VKORC1L1: variants seen among roughly 807,000 people sequenced by gnomAD.
The protein encoded by VKORC1L1 is vitamin K epoxide reductase complex subunit 1L1.
Under a neutral mutation model 18.9 loss-of-function variants are expected in VKORC1L1, and 2 were observed. That is an observed-to-expected ratio of 0.11 (90% CI 0.04 to 0.33). The LOEUF is 0.33. Among genes scored for constraint, VKORC1L1 ranks in the 10% least tolerant of loss-of-function variants. The pLI is 1.00. For missense variants in VKORC1L1, 123 were observed against 224.1 expected (o/e 0.55, Z 2.88); for synonymous variants, 96 against 100.0 (o/e 0.96, Z 0.24).
At chr7:65,922,621 G>A (rs1192985876) in intron 1 of VKORC1L1, among the ~76,000 whole-genome samples, 3 of 152,292 alleles carry the variant, frequency 2.0e-5, no homozygotes, top group East Asian at 1.9e-4. Context: ...TTCCTTTGGC[G>A]TGAACAAATT....
chr7:65,903,702 G>A (rs1789357279), intron 1 of VKORC1L1, among the ~76,000 whole-genome samples: 1 of 151,286 alleles, frequency 6.6e-6, no homozygotes, highest in Non-Finnish European at 1.5e-5. Context: ...AGCCTGGGAG[G>A]CAGAGGCTGC....
intron 1 of VKORC1L1, among the ~76,000 whole-genome samples, chr7:65,894,473 G>A (rs1422396258): frequency 1.3e-5 from 2 of 152,118 alleles, no homozygotes; most frequent in African/African-American, 2.4e-5. Flanking sequence ...GGCCGGGCAC[G>A]GTGGCAGCAC....
intron 1 of VKORC1L1, among the ~76,000 whole-genome samples, chr7:65,911,515 C>A (rs953944250): frequency 2.6e-5 from 4 of 152,228 alleles, no homozygotes; most frequent in Non-Finnish European, 4.4e-5. Flanking sequence ...TTATTACTCT[C>A]TGTTCAGCAA....
At chr7:65,941,812 A>T (rs983911436) in intron 1 of VKORC1L1, among the ~76,000 whole-genome samples, 10 of 149,960 alleles carry the variant, frequency 6.7e-5, no homozygotes, top group African/African-American at 2.5e-4. Context: ...AGTAGCTGGG[A>T]CTATAAGGCG....
Position 65,873,260 on chromosome 7 carries a change from T to TGGC in VKORC1L1, c.-100_-98dup, listed in dbSNP as rs1356372469. Reference sequence around the variant, plus strand: ...GGCGCGGCGGCGGCGGCGGCGGTGGTGGCGGCGGCGGCGGAGGCGGCGGTG... The same window carrying TGGC: ...GGCGCGGCGGCGGCGGCGGCGGTGGTGGCGGCGGCGGCGGCGGAGGCGGCGGTG... On this transcript the variant is annotated 5_prime_UTR_variant, in exon 1 of 3. Transcript: ENST00000360768. The TGGC allele has an allele frequency of 4.4e-3, 3,993 of 916,540 alleles. 13 individuals are homozygous for TGGC. Among genetic ancestry groups the TGGC allele is most frequent in the Non-Finnish European group, 4.5e-3 (3,536 of 783,350 alleles). The allele number at this position is 916,540 out of a possible 1,614,324, so 56.8% of individuals were successfully genotyped here. A position where few individuals can be genotyped will look rare whatever the true frequency, so the allele number is the denominator to read the frequency against.
intron 1 of VKORC1L1, among the ~76,000 whole-genome samples, chr7:65,946,598 A>C (rs1480261546): frequency 6.6e-6 from 1 of 152,098 alleles, no homozygotes; most frequent in African/African-American, 2.4e-5. Context: ...TTCCCCTTCT[A>C]ATTTTCCTGT....
At chr7:65,879,040 C>T (rs142092478) in intron 1 of VKORC1L1, among the ~76,000 whole-genome samples, 119 of 151,924 alleles carry the variant, frequency 7.8e-4, no homozygotes, top group Middle Eastern at 3.4e-3. Context: ...CTCAGTAGAC[C>T]GCTGTGAAAC....
At chr7:65,939,458 A>G (rs1301846268) in intron 1 of VKORC1L1, among the ~76,000 whole-genome samples, 1 of 152,124 alleles carries the variant, frequency 6.6e-6, no homozygotes, top group Non-Finnish European at 1.5e-5. Context: ...GTAATAATGG[A>G]AGCAATTTTG....
rs62470892 is a variant in VKORC1L1, at chr7:65,903,377, G to A, written c.194+29812G>A. Reference sequence around the variant, plus strand: ...AGACAAGGTTTCACCATGTTGGCCAGACTGGTCTCAAACTCCTGACCTTGT... The same window carrying A: ...AGACAAGGTTTCACCATGTTGGCCAAACTGGTCTCAAACTCCTGACCTTGT... On this transcript the variant is annotated intron_variant, in intron 1 of 2. Transcript: ENST00000360768. Among the ~76,000 whole-genome samples the A allele has an allele frequency of 4.5e-3, 677 of 151,456 alleles. 5 individuals are homozygous for A. The highest frequency in any genetic ancestry group is 8.3e-3 in the Non-Finnish European group (563 of 67,908).
chr7:65,933,077 CAAAAA>C (rs59403784), intron 1 of VKORC1L1, among the ~76,000 whole-genome samples: 1,881 of 65,326 alleles, frequency 0.029, 45 homozygotes, highest in East Asian at 0.15. Context: ...GACTTCGTCT[CAAAAA>C]AAAAAAAAAA....
At chr7:65,944,546 C>A in intron 1 of VKORC1L1, among the ~76,000 whole-genome samples, 1 of 151,688 alleles carries the variant, frequency 6.6e-6, no homozygotes, top group Non-Finnish European at 1.5e-5. Context: ...CAAAATAATA[C>A]ATGGGTGTTT....
intron 1 of VKORC1L1, among the ~76,000 whole-genome samples, chr7:65,882,994 T>C (rs1788953042): frequency 1.3e-5 from 2 of 152,192 alleles, no homozygotes; most frequent in South Asian, 2.1e-4. Flanking sequence ...CATCTATTCA[T>C]CTTTGTGAAT....
chr7:65,925,497 A>G (rs993831666), intron 1 of VKORC1L1, among the ~76,000 whole-genome samples: 5 of 152,202 alleles, frequency 3.3e-5, no homozygotes, highest in African/African-American at 9.7e-5. Flanking sequence ...ATTTGAGTCC[A>G]TAGGTACTTG....
At chr7:65,900,043 G>A (rs112479964) in intron 1 of VKORC1L1, among the ~76,000 whole-genome samples, 1 of 7,664 alleles carries the variant, frequency 1.3e-4, no homozygotes, top group East Asian at 6.9e-3. Context: ...GTGCACGCAC[G>A]TGTGTGTGTG....
At chr7:65,898,242 A>C (rs1056641725) in intron 1 of VKORC1L1, among the ~76,000 whole-genome samples, 2 of 151,564 alleles carry the variant, frequency 1.3e-5, no homozygotes, top group African/African-American at 4.8e-5. Context: ...GCCTGCCATC[A>C]CGCCCGGCTA....
intron 1 of VKORC1L1, among the ~76,000 whole-genome samples, chr7:65,881,818 G>A (rs534149346): frequency 6.6e-6 from 1 of 152,176 alleles, no homozygotes; most frequent in Non-Finnish European, 1.5e-5. Context: ...AGTGGCTCAT[G>A]CCTGTAATCC....
intron 1 of VKORC1L1, among the ~76,000 whole-genome samples, chr7:65,894,510 C>T (rs1189420233): frequency 1.3e-5 from 2 of 151,974 alleles, no homozygotes; most frequent in South Asian, 2.1e-4. Context: ...AGGTGGATCA[C>T]GAGGTCAGAA....
intron 1 of VKORC1L1, among the ~76,000 whole-genome samples, chr7:65,948,116 A>T (rs1226252799): frequency 1.3e-5 from 2 of 152,202 alleles, no homozygotes; most frequent in Non-Finnish European, 1.5e-5. Flanking sequence ...ATGGTTTTCA[A>T]CTGGGGGCAG....
At chr7:65,913,094 A>C (rs1040897716) in intron 1 of VKORC1L1, among the ~76,000 whole-genome samples, 3 of 152,186 alleles carry the variant, frequency 2.0e-5, no homozygotes, top group African/African-American at 7.2e-5. Flanking sequence ...CTGCAAATGA[A>C]AGAGCATCCT....
Sources: gnomAD v4.1 joint callset for allele counts (sites outside exome capture counted in the v4.1 genomes callset) on GRCh38, gnomAD v4.1.1 for gene constraint, MANE v1.5 for transcripts, NCBI Gene and HGNC (gene_info 2026-07-23, HGNC 2026-07-21) for gene names.